Variants in MAML2 observed in about 807,000 individuals in gnomAD.
The protein encoded by MAML2 is mastermind-like protein 2.
Under a neutral mutation model 96.1 loss-of-function variants are expected in MAML2, and 22 were observed. The ratio of observed to expected loss-of-function variants is 0.23; its 90% CI spans 0.16 to 0.33. The LOEUF (loss-of-function observed/expected upper bound fraction) is 0.33, where lower values mean the gene tolerates loss of function less well. Ranked by LOEUF, MAML2 falls within the 10% of genes least tolerant of loss-of-function variation. The pLI is 1.00. For synonymous variants in MAML2, 561 were observed against 521.3 expected (o/e 1.08, Z -1.04); for missense variants, 1,367 against 1,392.4 (o/e 0.98, Z 0.29).
intron 1 of MAML2, among the ~76,000 whole-genome samples, chr11:96,165,594 C>T (rs977468052): frequency 9.2e-4 from 140 of 152,016 alleles, no homozygotes; most frequent in African/African-American, 3.3e-3. Flanking sequence ...CCATAAAAAT[C>T]CAATTCGTTG....
intron 2 of MAML2, among the ~76,000 whole-genome samples, chr11:96,006,812 G>A (rs1053592716): frequency 6.0e-5 from 9 of 149,324 alleles, no homozygotes; most frequent in East Asian, 2.0e-4. Flanking sequence ...CGCCTGCCTC[G>A]GCCTCCCAAA....
At chr11:96,306,661 T>C (rs539757302) in intron 1 of MAML2, among the ~76,000 whole-genome samples, 6 of 152,210 alleles carry the variant, frequency 3.9e-5, no homozygotes, top group African/African-American at 7.2e-5. Flanking sequence ...TCAGTCTAAA[T>C]TGAAAAGAAA....
intron 1 of MAML2, among the ~76,000 whole-genome samples, chr11:96,263,183 ACTTTT>A (rs1165443318): frequency 6.6e-6 from 1 of 152,196 alleles, no homozygotes; most frequent in Non-Finnish European, 1.5e-5. Flanking sequence ...GATTTATTCA[ACTTTT>A]CTTTTATTAC....
intron 1 of MAML2, among the ~76,000 whole-genome samples, chr11:96,226,760 A>G (rs964284739): frequency 2.6e-5 from 4 of 152,220 alleles, no homozygotes; most frequent in Non-Finnish European, 5.9e-5. Context: ...GACATTTATT[A>G]TTATTCTTAT....
At chr11:96,175,597 G>GT (rs1160298133) in intron 1 of MAML2, among the ~76,000 whole-genome samples, 51 of 151,152 alleles carry the variant, frequency 3.4e-4, no homozygotes, top group African/African-American at 9.9e-4. Flanking sequence ...GTTTTGTTTT[G>GT]TTTTTTTTTA....
intron 2 of MAML2, among the ~76,000 whole-genome samples, chr11:96,066,909 C>G (rs757151272): frequency 6.6e-6 from 1 of 152,152 alleles, no homozygotes; most frequent in Non-Finnish European, 1.5e-5. Flanking sequence ...TGGGCTTGTA[C>G]TTGGTGCATT....
At chr11:95,990,015 T>C (rs576755305) in intron 3 of MAML2, among the ~76,000 whole-genome samples, 1 of 152,292 alleles carries the variant, frequency 6.6e-6, no homozygotes, top group South Asian at 2.1e-4. Context: ...CCTACAATAG[T>C]GGACCCCACC....
At chr11:96,333,539 G>C (rs1863879811) in intron 1 of MAML2, among the ~76,000 whole-genome samples, 1 of 152,116 alleles carries the variant, frequency 6.6e-6, no homozygotes, top group South Asian at 2.1e-4. Context: ...TGAACCCTTG[G>C]CAACATCTTC....
chr11:96,231,308 G>A (rs1039546129), intron 1 of MAML2, among the ~76,000 whole-genome samples: 4 of 152,050 alleles, frequency 2.6e-5, no homozygotes, highest in African/African-American at 7.2e-5. Context: ...AAGGAAATGC[G>A]TTGTATTGAT....
At chr11:96,274,600 T>G (rs1377301858) in intron 1 of MAML2, among the ~76,000 whole-genome samples, 1 of 151,600 alleles carries the variant, frequency 6.6e-6, no homozygotes. Flanking sequence ...TATTAATTAA[T>G]GTTTAATTAT....
intron 2 of MAML2, among the ~76,000 whole-genome samples, chr11:96,039,275 G>C (rs1858767476): frequency 6.7e-6 from 1 of 149,202 alleles, no homozygotes; most frequent in African/African-American, 2.5e-5. Context: ...GAGGAGGGGA[G>C]AGGAGGAGAC....
chr11:96,172,640 A>G (rs1319766005), intron 1 of MAML2, among the ~76,000 whole-genome samples: 1 of 152,260 alleles, frequency 6.6e-6, no homozygotes, highest in Non-Finnish European at 1.5e-5. Context: ...CAATATGAGT[A>G]GTGGAATAAA....
At chr11:96,049,914 T>C (rs1858964085) in intron 2 of MAML2, among the ~76,000 whole-genome samples, 1 of 152,200 alleles carries the variant, frequency 6.6e-6, no homozygotes, top group Non-Finnish European at 1.5e-5. Flanking sequence ...TCATTAATAA[T>C]TTAAATCAGG....
At chr11:96,112,879 G>T (rs1452634751) in intron 1 of MAML2, among the ~76,000 whole-genome samples, 4 of 152,228 alleles carry the variant, frequency 2.6e-5, no homozygotes, top group Non-Finnish European at 5.9e-5. Context: ...GAAAGAAAGT[G>T]TGAGGGCCAC....
intron 2 of MAML2, among the ~76,000 whole-genome samples, chr11:96,066,935 C>A (rs544229785): frequency 2.6e-5 from 4 of 152,106 alleles, no homozygotes; most frequent in Non-Finnish European, 2.9e-5. Context: ...AAGGCAGGAG[C>A]GGCTGGAGGA....
intron 1 of MAML2, among the ~76,000 whole-genome samples, chr11:96,236,184 C>G (rs1862365044): frequency 6.6e-6 from 1 of 152,226 alleles, no homozygotes; most frequent in African/African-American, 2.4e-5. Flanking sequence ...CAGCATTACA[C>G]AACTTCTTTC....
chr11:96,024,899 T>A (rs1269068717), intron 2 of MAML2, among the ~76,000 whole-genome samples: 3 of 152,230 alleles, frequency 2.0e-5, no homozygotes, highest in African/African-American at 7.2e-5. Context: ...CCTCTCAGTG[T>A]TTCCACAGTG....
intron 2 of MAML2, among the ~76,000 whole-genome samples, chr11:96,004,748 G>A (rs1034570358): frequency 6.6e-6 from 1 of 152,080 alleles, no homozygotes; most frequent in Non-Finnish European, 1.5e-5. Context: ...AAATAATAGT[G>A]CCTTCCTCAT....
intron 1 of MAML2, among the ~76,000 whole-genome samples, 154 bp from the exon 2 acceptor site, chr11:96,093,671 C>T (rs1859776000): frequency 1.3e-5 from 2 of 152,172 alleles, no homozygotes; most frequent in African/African-American, 4.8e-5. Flanking sequence ...AAATGAAGCA[C>T]AATCTGGATT....
Sources: gnomAD v4.1 joint callset for allele counts (sites outside exome capture counted in the v4.1 genomes callset) on GRCh38, gnomAD v4.1.1 for gene constraint, MANE v1.5 for transcripts, NCBI Gene and HGNC (gene_info 2026-07-23, HGNC 2026-07-21) for gene names.